Variants in VCAN observed in about 807,000 individuals in gnomAD.
VCAN encodes the protein versican.
A neutral mutation model predicts 245.5 loss-of-function variants in VCAN; 44 were observed. That is an observed-to-expected ratio of 0.18 (90% CI 0.14 to 0.23). The LOEUF is 0.23. Ranked by LOEUF, VCAN falls within the 10% of genes least tolerant of loss-of-function variation. The pLI is 1.00. For missense variants in VCAN, 3,793 were observed against 4,057.9 expected (o/e 0.93, Z 1.77); for synonymous variants, 1,413 against 1,437.0 (o/e 0.98, Z 0.38).
intron 2 of VCAN, among the ~76,000 whole-genome samples, chr5:83,484,551 CCATT>C (rs1197788621): frequency 4.1e-5 from 6 of 147,380 alleles, no homozygotes; most frequent in South Asian, 2.2e-4. Flanking sequence ...ATCCATCCAT[CCATT>C]CATCCATCCA....
chr5:83,490,702 A>G (rs893938263), intron 3 of VCAN, among the ~76,000 whole-genome samples: 9 of 152,214 alleles, frequency 5.9e-5, no homozygotes, highest in African/African-American at 2.2e-4. Context: ...AAAGTATTGT[A>G]TACTGAAAAT....
Position 83,539,472 on chromosome 5 carries a change from G to A in VCAN, c.6469G>A (p.Val2157Ile), listed in dbSNP as rs1182672018. ...TGAACTCAAAACCACAGATTATTCT[G>A]TACTAACAACAAAGAAAACTTACAG... Reference protein sequence around the residue: ...ETELKTTDYSVLTTKKTYSDD... With the variant: ...ETELKTTDYSILTTKKTYSDD... Residue 2157 changes from valine to isoleucine, a missense_variant, in exon 8 of 15, where the codon GTA becomes ATA. Physicochemically the swap from Val to Ile is conservative, Grantham distance 29. Coordinates refer to ENST00000265077, the MANE Select transcript of VCAN (RefSeq NM_004385.5). 1.2e-6 allele frequency: 2 copies of A among 1,613,702 alleles called. No homozygotes were observed. The highest frequency in any genetic ancestry group is 1.7e-6 in the Non-Finnish European group (2 of 1,179,922).
chr5:83,545,499 G>C, intron 8 of VCAN, 38 bp from the exon 9 acceptor site: 5 of 1,552,982 alleles, frequency 3.2e-6, no homozygotes, highest in Non-Finnish European at 4.4e-6. Context: ...CATTAGAGAC[G>C]AGCCTAACTG....
At chr5:83,517,901 G>A (rs896662545) in intron 6 of VCAN, among the ~76,000 whole-genome samples, 5 of 152,008 alleles carry the variant, frequency 3.3e-5, no homozygotes, top group African/African-American at 9.7e-5. Flanking sequence ...ATAACAGCTC[G>A]TGCCAGACAA....
intron 1 of VCAN, among the ~76,000 whole-genome samples, chr5:83,472,470 G>A (rs921575137): frequency 6.6e-6 from 1 of 152,128 alleles, no homozygotes; most frequent in African/African-American, 2.4e-5. Context: ...ACAAGTCCCC[G>A]AAGCCGCCTT....
rs1746866426 is a variant in VCAN, at chr5:83,539,308, A to C, written c.6305A>C (p.Glu2102Ala). The C allele has an allele frequency of 2.5e-6, 4 of 1,614,096 alleles. No homozygotes were observed. The East Asian group carries it at 8.9e-5, about 36-fold the overall frequency. ...CCAGCCAAATTATGGTCTAGGCAAG[A>C]AGTCAACCCTGTAAGACAAGAAATT... ...IEPAKLWSRQ[E>A]VNPVRQEIES... is the part of the protein sequence containing the mutation. The change falls in exon 8 of 15, where the codon GAA becomes GCA. Residue 2102 changes from glutamate (E) to alanine (A), a missense_variant. Physicochemically the swap from Glu to Ala is moderately radical, Grantham distance 107. Transcript: ENST00000265077.
intron 1 of VCAN, among the ~76,000 whole-genome samples, chr5:83,473,381 A>T (rs1744265795): frequency 1.3e-5 from 2 of 152,102 alleles, no homozygotes; most frequent in East Asian, 3.9e-4. Flanking sequence ...GAAGGGGGAG[A>T]AATCTACACG....
rs187714731 is a variant in VCAN, at chr5:83,483,737, C to T, written c.70+149C>T. 1.5e-3 allele frequency: 1,095 copies of T among 745,974 alleles called. 8 individuals are homozygous for T. The highest frequency in any genetic ancestry group is 9.3e-4 in the East Asian group (34 of 36,510). The allele number at this position is 745,974 out of a possible 1,614,324, so 46.2% of individuals were successfully genotyped here. A position where few individuals can be genotyped will look rare whatever the true frequency, so the allele number is the denominator to read the frequency against. The stretch of plus-strand genomic sequence containing the variant: ...ACTATCAGTTAAAATATTATTGGAC[C>T]AAAAACATTAGTTTTAAATAAATAA... On this transcript the variant is annotated intron_variant, in intron 2 of 14. Transcript: ENST00000265077.
chr5:83,575,752 C>G (rs1430777287), intron 13 of VCAN, among the ~76,000 whole-genome samples: 1 of 152,144 alleles, frequency 6.6e-6, no homozygotes, highest in Non-Finnish European at 1.5e-5. Flanking sequence ...GGCAAACTGT[C>G]CCACGTTGAG....
chr5:83,555,493 A>G (rs890256425), intron 12 of VCAN, among the ~76,000 whole-genome samples: 2 of 152,214 alleles, frequency 1.3e-5, no homozygotes, highest in African/African-American at 4.8e-5. Context: ...CTTAAAGAAG[A>G]CTGTTGATAT....
rs538195127 is a variant in VCAN, at chr5:83,580,582, A to G, written c.*148A>G. Reference sequence around the variant, plus strand: ...TTTTGGGTTGCCGTGCTCCCAAAACATTTTAAATGAAAGTATTGGCATTCA... The same window carrying G: ...TTTTGGGTTGCCGTGCTCCCAAAACGTTTTAAATGAAAGTATTGGCATTCA... On this transcript the variant is annotated 3_prime_UTR_variant, in exon 15 of 15. Coordinates refer to ENST00000265077, the MANE Select transcript of VCAN (RefSeq NM_004385.5). 3.4e-6 allele frequency: 4 copies of G among 1,175,928 alleles called. No homozygotes were observed. The South Asian group carries it at 4.0e-5, about 12-fold the overall frequency. The allele number at this position is 1,175,928 out of a possible 1,614,324, so 72.8% of individuals were successfully genotyped here.
intron 7 of VCAN, 84 bp downstream of exon 7, chr5:83,522,393 A>G (rs1746143313): frequency 3.5e-6 from 5 of 1,411,786 alleles, no homozygotes; most frequent in Non-Finnish European, 4.9e-6. Context: ...AAGTCAACAT[A>G]CCAAATGCTG....
intron 2 of VCAN, among the ~76,000 whole-genome samples, chr5:83,486,324 G>T (rs191770693): frequency 1.3e-5 from 2 of 152,164 alleles, no homozygotes; most frequent in African/African-American, 2.4e-5. Flanking sequence ...ACAGCACTTA[G>T]TCATTTTGTG....
At chr5:83,564,651 C>T (rs948068050) in intron 12 of VCAN, among the ~76,000 whole-genome samples, 2 of 150,418 alleles carry the variant, frequency 1.3e-5, no homozygotes, top group African/African-American at 4.9e-5. Flanking sequence ...GGGAGGTGAA[C>T]AGAGAGGGCT....
chr5:83,528,883 T>C (rs1028802951), intron 7 of VCAN, among the ~76,000 whole-genome samples: 9 of 151,928 alleles, frequency 5.9e-5, no homozygotes, highest in African/African-American at 1.9e-4. Context: ...TCAATTTCTC[T>C]GTCAGAATTT....
chr5:83,498,946 C>G (rs906106793), intron 5 of VCAN, among the ~76,000 whole-genome samples: 10 of 152,154 alleles, frequency 6.6e-5, no homozygotes, highest in African/African-American at 2.4e-4. Flanking sequence ...AAAACCTATA[C>G]CTGCTCTACT....
At chr5:83,547,757 T>C (rs1747289902) in intron 9 of VCAN, among the ~76,000 whole-genome samples, 2 of 152,242 alleles carry the variant, frequency 1.3e-5, no homozygotes, top group South Asian at 4.1e-4. Flanking sequence ...TGGCCACTTA[T>C]ATTTGAGTTT....
At chr5:83,522,360 T>G in intron 7 of VCAN, 51 bp downstream of exon 7, 2 of 1,587,910 alleles carry the variant, frequency 1.3e-6, no homozygotes, top group Non-Finnish European at 1.7e-6. Flanking sequence ...CATTTTATCT[T>G]GAAAGTTACT....
At position 83,576,055 on chromosome 5, in the gene VCAN, A is replaced by G. The variant is rs147622189; in HGVS notation, c.9880+3495A>G. Among the ~76,000 whole-genome samples, 3 of 152,200 alleles carry G rather than the reference A, an allele frequency of 2.0e-5. No homozygotes were observed. In the East Asian group the frequency reaches 5.8e-4, roughly 29 times the overall value. On this transcript the variant is annotated intron_variant, in intron 13 of 14. Coordinates refer to ENST00000265077, the MANE Select transcript of VCAN (RefSeq NM_004385.5). ...ACAGACCTAAGTAGTTTTCCTTTTA[A>G]TTAACTATTACATACTTGTAACGAT...
Sources: allele counts gnomAD v4.1 joint callset (sites outside exome capture counted in the v4.1 genomes callset), GRCh38; gene constraint gnomAD v4.1.1; transcripts MANE v1.5; gene names NCBI Gene and HGNC (gene_info 2026-07-23, HGNC 2026-07-21).